The following MACROD2 variants were observed in gnomAD, a reference collection of about 807,000 sequenced individuals.
MACROD2 encodes the protein ADP-ribose glycohydrolase MACROD2.
In MACROD2, 36 loss-of-function variants were observed where a neutral mutation model predicts 70.4. The observed-to-expected ratio is 0.51, with a 90% CI of 0.39 to 0.68. The LOEUF (loss-of-function observed/expected upper bound fraction) is 0.68, where lower values mean the gene tolerates loss of function less well. MACROD2 is among the 30% of genes least tolerant of loss of function. The pLI is 0.00. For missense variants in MACROD2, 496 were observed against 538.4 expected, an observed-to-expected ratio of 0.92 and a Z score of 0.78; for synonymous variants, 172 against 178.8, an observed-to-expected ratio of 0.96 and a Z score of 0.30.
intron 5 of MACROD2, among the ~76,000 whole-genome samples, chr20:14,702,587 G>A (rs6135232): frequency 0.59 from 2,926 of 4,936 alleles, 614 homozygotes; most frequent in East Asian, 0.65. Context: ...GTATATATAT[G>A]TATATATATG....
At chr20:14,456,031 A>G (rs1228891019) in intron 3 of MACROD2, among the ~76,000 whole-genome samples, 1 of 151,848 alleles carries the variant, frequency 6.6e-6, no homozygotes, top group East Asian at 1.9e-4. Context: ...TTCTATTAAA[A>G]TATATGAATT....
intron 3 of MACROD2, among the ~76,000 whole-genome samples, chr20:14,129,040 G>C (rs1263685735): frequency 6.6e-6 from 1 of 152,108 alleles, no homozygotes; most frequent in Non-Finnish European, 1.5e-5. Context: ...CATGCACCAA[G>C]GAATAATTTC....
At chr20:15,081,511 C>A (rs539543641) in intron 5 of MACROD2, among the ~76,000 whole-genome samples, 2 of 152,246 alleles carry the variant, frequency 1.3e-5, no homozygotes, top group South Asian at 4.1e-4. Context: ...TATTCTTGAA[C>A]CAACCCCTGA....
intron 7 of MACROD2, among the ~76,000 whole-genome samples, chr20:15,463,282 T>C (rs1228625869): frequency 6.6e-6 from 1 of 151,962 alleles, no homozygotes; most frequent in African/African-American, 2.4e-5. Context: ...GAGCAAAGAG[T>C]ACTGTCATTA....
chr20:15,173,335 C>A (rs1170281226), intron 5 of MACROD2, among the ~76,000 whole-genome samples: 1 of 152,064 alleles, frequency 6.6e-6, no homozygotes. Context: ...GCTAAACAGA[C>A]CTATGTAGTT....
chr20:15,926,692 G>C (rs6131738), intron 10 of MACROD2, among the ~76,000 whole-genome samples: 17,740 of 152,148 alleles, frequency 0.12, 1,680 homozygotes, highest in East Asian at 0.29. Flanking sequence ...ACTCCAGGTG[G>C]AGGGGTCAGG....
intron 6 of MACROD2, among the ~76,000 whole-genome samples, chr20:15,264,306 G>A (rs2077273849): frequency 1.3e-5 from 2 of 152,182 alleles, no homozygotes; most frequent in Non-Finnish European, 2.9e-5. Flanking sequence ...TTAATCTGGT[G>A]GGATTCTAAA....
Position 14,917,072 on chromosome 20 carries a change from C to T in MACROD2, c.418+232113C>T, listed in dbSNP as rs144933185. 3.5e-3 allele frequency among the ~76,000 whole-genome samples: 525 copies of T among 151,684 alleles called. 5 individuals are homozygous for T. Among genetic ancestry groups the T allele is most frequent in the African/African-American group, 0.012 (495 of 41,336 alleles). Reference sequence around the variant, plus strand: ...AGTAATGCCTGCCCCTTTTCTTCCTCGGGGTGGAGTGTCCTGCCAAGTCTC... The same window carrying T: ...AGTAATGCCTGCCCCTTTTCTTCCTTGGGGTGGAGTGTCCTGCCAAGTCTC... On this transcript the variant is annotated intron_variant, in intron 5 of 17. Transcript: ENST00000684519.
chr20:16,038,045 C>CTT (rs57617707), intron 15 of MACROD2, among the ~76,000 whole-genome samples: 1 of 146,750 alleles, frequency 6.8e-6, no homozygotes, highest in Non-Finnish European at 1.5e-5. Context: ...ATTTGAAAAT[C>CTT]TTTTTTTTTT....
intron 5 of MACROD2, among the ~76,000 whole-genome samples, chr20:15,072,447 G>A (rs754994019): frequency 3.9e-5 from 6 of 152,042 alleles, no homozygotes; most frequent in Non-Finnish European, 5.9e-5. Context: ...TTAACCTTTG[G>A]GTGAACCAAA....
intron 5 of MACROD2, among the ~76,000 whole-genome samples, chr20:14,986,652 A>G (rs1336368582): frequency 6.6e-6 from 1 of 152,210 alleles, no homozygotes; most frequent in Admixed American, 6.5e-5. Context: ...ACGTTAAAAA[A>G]TCTTACTGTG....
At chr20:14,428,415 G>A (rs750328797) in intron 3 of MACROD2, among the ~76,000 whole-genome samples, 12 of 151,978 alleles carry the variant, frequency 7.9e-5, no homozygotes, top group Admixed American at 2.6e-4. Context: ...CTAGATTTTC[G>A]AATAGAAGTA....
intron 5 of MACROD2, among the ~76,000 whole-genome samples, chr20:14,719,510 A>G (rs2071439316): frequency 6.6e-6 from 1 of 151,940 alleles, no homozygotes; most frequent in Admixed American, 6.6e-5. Flanking sequence ...GAAAAAGAAA[A>G]TAAAGAAAGA....
chr20:14,535,377 C>T (rs1600353608), intron 4 of MACROD2, among the ~76,000 whole-genome samples: 2 of 151,212 alleles, frequency 1.3e-5, no homozygotes, highest in South Asian at 4.2e-4. Context: ...TAGTGGCGGG[C>T]ACTTGTAATC....
At chr20:14,220,664 C>T (rs1221809939) in intron 3 of MACROD2, among the ~76,000 whole-genome samples, 1 of 152,186 alleles carries the variant, frequency 6.6e-6, no homozygotes, top group African/African-American at 2.4e-5. Flanking sequence ...CAGGAATGGC[C>T]TGCTAGGGTA....
At chr20:15,979,488 C>G (rs573061667) in intron 13 of MACROD2, among the ~76,000 whole-genome samples, 1 of 152,180 alleles carries the variant, frequency 6.6e-6, no homozygotes, top group East Asian at 1.9e-4. Context: ...AAATATAATC[C>G]TCTTTTAGGA....
At chr20:14,737,254 T>C (rs548496077) in intron 5 of MACROD2, among the ~76,000 whole-genome samples, 2 of 152,296 alleles carry the variant, frequency 1.3e-5, no homozygotes, top group South Asian at 2.1e-4. Context: ...GTTTCCAGCA[T>C]CATCCATGTC....
chr20:15,899,211 CACAG>C (rs1345472988), intron 10 of MACROD2, among the ~76,000 whole-genome samples: 4 of 151,864 alleles, frequency 2.6e-5, no homozygotes, highest in Non-Finnish European at 5.9e-5. Flanking sequence ...TATCTAATCA[CACAG>C]ACATATATGT....
At chr20:14,730,003 A>G (rs1645379016) in intron 5 of MACROD2, among the ~76,000 whole-genome samples, 1 of 152,194 alleles carries the variant, frequency 6.6e-6, no homozygotes, top group African/African-American at 2.4e-5. Context: ...GAAAATTAGC[A>G]AATAAAATAA....
Sources: gnomAD v4.1 joint callset for allele counts (sites outside exome capture counted in the v4.1 genomes callset) on GRCh38, gnomAD v4.1.1 for gene constraint, MANE v1.5 for transcripts, NCBI Gene and HGNC (gene_info 2026-07-23, HGNC 2026-07-21) for gene names.